RUSC1: variants seen among roughly 807,000 people sequenced by gnomAD.
RUSC1 encodes the protein AP-4 complex accessory subunit RUSC1.
A neutral mutation model predicts 72.1 loss-of-function variants in RUSC1; 40 were observed. The ratio of observed to expected loss-of-function variants is 0.55; its 90% CI spans 0.43 to 0.72. RUSC1 has a LOEUF of 0.72. RUSC1 is among the 30% of genes least tolerant of loss of function. The probability of loss-of-function intolerance (pLI) is 0.00; values close to 1 mark genes in which losing one functional copy is unlikely to be tolerated. For missense variants in RUSC1, 1,092 were observed against 1,172.3 expected (o/e 0.93, Z 1.00); for synonymous variants, 512 against 494.2 (o/e 1.04, Z -0.48).
At position 155,322,343 on chromosome 1, in the gene RUSC1, C is replaced by A; in HGVS notation, c.570C>A (p.Asp190Glu). The part of the protein sequence containing the change: ...SNCNALTTCQ[D>E]VPSPGLEEED... ...GCAACGCCCTGACCACCTGCCAGGA[C>A]GTCCCTTCCCCAGGCTTGGAGGAAG... Residue 190 changes from aspartate to glutamate, a missense_variant, in exon 2 of 10, where the codon GAC becomes GAA. Coordinates refer to ENST00000368352, the MANE Select transcript of RUSC1 (RefSeq NM_001105203.2). 6.2e-7 allele frequency: 1 copy of A among 1,612,794 alleles called. No homozygotes were observed. The highest frequency in any genetic ancestry group is 8.5e-7 in the Non-Finnish European group (1 of 1,178,900).
chr1:155,324,520 C>T, intron 2 of RUSC1: 1 of 1,597,854 alleles, frequency 6.3e-7, no homozygotes, highest in Non-Finnish European at 8.5e-7. Flanking sequence ...TCCCGCCCTA[C>T]AGGCCCTAGC....
intron 8 of RUSC1, among the ~76,000 whole-genome samples, chr1:155,327,668 C>T (rs556774167): frequency 1.3e-5 from 2 of 152,290 alleles, no homozygotes; most frequent in South Asian, 2.1e-4. Context: ...GTGGCACACA[C>T]GTGGTGGTAG....
In RUSC1 at chr1:155,327,024, G is replaced by A; in HGVS notation, c.2306G>A (p.Arg769Lys). The A allele has an allele frequency of 1.2e-6, 2 of 1,613,536 alleles. No individual in the cohort carries two copies. The highest frequency in any genetic ancestry group is 1.1e-5 in the South Asian group (1 of 91,078). ...GCAGCTGAAGAAGGTGCACAGGAGA[G>A]ACCCCTGCCCACAGATGAGATGGCA... ...GTAAEEGAQE[R>K]PLPTDEMAPG... Residue 769 changes from arginine (R) to lysine (K), a missense_variant, in exon 8 of 10, where the codon AGA becomes AAA. Coordinates refer to ENST00000368352, the MANE Select transcript of RUSC1 (RefSeq NM_001105203.2).
intron 8 of RUSC1, 84 bp downstream of exon 8, chr1:155,327,216 TC>T: frequency 7.3e-7 from 1 of 1,363,044 alleles, no homozygotes; most frequent in South Asian, 1.4e-5. Flanking sequence ...CTAGTGATGA[TC>T]CTTTAGGGCA....
At position 155,325,084 on chromosome 1, in the gene RUSC1, C is replaced by CT; in HGVS notation, c.1457-15dup. On this transcript the variant is annotated splice_polypyrimidine_tract_variant and intron_variant, in intron 3 of 9. Transcript: ENST00000368352. This position sits in a 1 kb window ranked among gnomAD's most constrained non-coding sequence, Gnocchi z 6.5. ...GGGGCGCGGCCTCCTAGCGTCTTCC[C>CT]TTTCCCACTCCTCCCAGGTCTTCTG... 6.2e-7 allele frequency: 1 copy of CT among 1,614,270 alleles called. No individual in the cohort carries two copies. The highest frequency in any genetic ancestry group is 8.5e-7 in the Non-Finnish European group (1 of 1,180,054).
At position 155,326,957 on chromosome 1, in the gene RUSC1, G is replaced by T. The variant is rs1165464513; in HGVS notation, c.2239G>T (p.Gly747Cys). The T allele has an allele frequency of 2.5e-6, 4 of 1,613,830 alleles. No individual in the cohort carries two copies. In the South Asian group the frequency reaches 4.4e-5, roughly 18 times the overall value. The change falls in exon 8 of 10, where the codon GGC becomes TGC. Residue 747 changes from glycine to cysteine, a missense_variant. By Grantham distance (159) the Gly-to-Cys change is radical. Transcript: ENST00000368352. The surrounding 1 kb of genome is among the most constrained non-coding windows in gnomAD (Gnocchi z 4.7). ...GGTCTATGCCTCTGGGGGCACTGAG[G>T]GCTTTCCTCTTTCCCGATGGGCACC... ...SRVYASGGTEGFPLSRWAPGR... is the reference protein window; with the variant it reads ...SRVYASGGTECFPLSRWAPGR...
intron 8 of RUSC1, 127 bp from the exon 9 acceptor site, chr1:155,328,023 C>A: frequency 1.7e-6 from 2 of 1,211,222 alleles, no homozygotes; most frequent in Non-Finnish European, 2.3e-6. Context: ...CTGCCCTCAG[C>A]AGTGACTAAC....
chr1:155,324,556 C>T (rs779357460), intron 2 of RUSC1: 130 of 1,583,506 alleles, frequency 8.2e-5, no homozygotes, highest in Middle Eastern at 1.9e-4. Flanking sequence ...TGAGCGCGGC[C>T]ATCCCGCTCC....
Position 155,323,083 on chromosome 1 carries a change from A to G in RUSC1, c.1310A>G (p.Glu437Gly). The G allele has an allele frequency of 7.0e-7, 1 of 1,427,520 alleles. No individual in the cohort carries two copies. The highest frequency in any genetic ancestry group is 9.1e-7 in the Non-Finnish European group (1 of 1,094,578). The allele number at this position is 1,427,520 out of a possible 1,614,324, so 88.4% of individuals were successfully genotyped here. ...CGGGCTGTCAGCCCAGCGGCTGGCG[A>G]GGAGGCCCCAGCCGCGAAGGAGCCG... ...EGRAVSPAAG[E>G]EAPAAKEPGA... Residue 437 changes from glutamate to glycine, a missense_variant, in exon 2 of 10, where the codon GAG becomes GGG. Coordinates refer to ENST00000368352, the MANE Select transcript of RUSC1 (RefSeq NM_001105203.2).
chr1:155,330,349 G>A (rs893830018), intron 9 of RUSC1, 54 bp from the exon 10 acceptor site: 90 of 1,596,592 alleles, frequency 5.6e-5, no homozygotes, highest in African/African-American at 5.4e-5. Flanking sequence ...GCCTGGGGAC[G>A]GCTGGGCAGC....
At chr1:155,323,380 GC>G (rs1166545905) in intron 2 of RUSC1, 4 of 392,204 alleles carry the variant, frequency 1.0e-5, no homozygotes, top group Admixed American at 4.5e-5. Flanking sequence ...TCTGCGCCTG[GC>G]CCCGCCAATC....
chr1:155,321,222 CT>C, intron 1 of RUSC1: 1 of 1,359,482 alleles, frequency 7.4e-7, no homozygotes, highest in Non-Finnish European at 9.8e-7. Flanking sequence ...CTGCTCCATC[CT>C]TTTCCTCTCC....
At position 155,321,827 on chromosome 1, in the gene RUSC1, G is replaced by A. The variant is rs2148260772; in HGVS notation, c.54G>A (p.Gln18=). 1 of 1,613,920 alleles carries A rather than the reference G, an allele frequency of 6.2e-7. No homozygotes were observed. The highest frequency in any genetic ancestry group is 2.2e-5 in the East Asian group (1 of 44,882). Residue 18 remains glutamine, a synonymous_variant, in exon 2 of 10, where the codon CAG becomes CAA. Transcript: ENST00000368352. ...LLCNLNHIHL[Q]HVSLGLHLSR... Reference sequence around the variant, plus strand: ...GCAACCTCAACCACATCCACCTCCAGCACGTCTCCCTGGGCCTGCACTTGT... The same window carrying A: ...GCAACCTCAACCACATCCACCTCCAACACGTCTCCCTGGGCCTGCACTTGT...
rs1379528973 is a variant in RUSC1, at chr1:155,322,921, C to T, written c.1148C>T (p.Pro383Leu). The T allele has an allele frequency of 3.8e-6, 6 of 1,596,690 alleles. No individual in the cohort carries two copies. The African/African-American group carries it at 4.0e-5, about 11-fold the overall frequency. ...CGGTCCCGAAGCCGGGCCCCAGCCC[C>T]GCCAGTCCCGCCTCGAGACCCCCCA... ...ELRSRSRAPAPPVPPRDPPVG... is the reference protein window; with the variant it reads ...ELRSRSRAPALPVPPRDPPVG... The change falls in exon 2 of 10, where the codon CCG (proline) becomes CTG (leucine). Residue 383 changes from proline (P) to leucine (L), a missense_variant. By Grantham distance (98) the Pro-to-Leu change is moderately conservative. Coordinates refer to ENST00000368352, the MANE Select transcript of RUSC1 (RefSeq NM_001105203.2).
intron 9 of RUSC1, among the ~76,000 whole-genome samples, chr1:155,329,954 A>G (rs12728412): frequency 2.4e-5 from 3 of 123,346 alleles, no homozygotes; most frequent in Admixed American, 7.7e-5. Flanking sequence ...CTGTCTCAAG[A>G]AAAAAAAAAA....
intron 2 of RUSC1, chr1:155,324,567 C>T (rs939518062): frequency 6.3e-7 from 1 of 1,578,732 alleles, no homozygotes; most frequent in Non-Finnish European, 8.6e-7. Context: ...ATCCCGCTCC[C>T]GGAGTTCCGG....
At position 155,321,241 on chromosome 1, in the gene RUSC1, A is replaced by T. The variant is rs752552632; in HGVS notation, c.-87+250A>T. The stretch of plus-strand genomic sequence containing the variant: ...TCCATCCTTTTCCTCTCCAGCCCCC[A>T]CCCCTTTCCTGCATTCACCAGACAA... On this transcript the variant is annotated intron_variant, in intron 1 of 9. Coordinates refer to ENST00000368352, the MANE Select transcript of RUSC1 (RefSeq NM_001105203.2). The T allele has an allele frequency of 5.1e-5, 70 of 1,360,072 alleles. No homozygotes were observed. The Middle Eastern group carries it at 1.3e-3, about 24-fold the overall frequency. The allele number at this position is 1,360,072 out of a possible 1,614,324, so 84.3% of individuals were successfully genotyped here.
In RUSC1 at chr1:155,328,368, A is replaced by G. The variant is rs186535923; in HGVS notation, c.2540+93A>G. ...AGTGTAAAAAACCCTGGGCTTTAAAATAAGACCGTGCTTAGTGTGCATTGC... is the reference window on the plus strand; with the variant it reads ...AGTGTAAAAAACCCTGGGCTTTAAAGTAAGACCGTGCTTAGTGTGCATTGC... On this transcript the variant is annotated intron_variant, in intron 9 of 9. Transcript: ENST00000368352. The G allele has an allele frequency of 6.3e-5, 84 of 1,329,488 alleles. No individual in the cohort carries two copies. In the East Asian group the frequency reaches 1.2e-3, roughly 19 times the overall value. The allele number at this position is 1,329,488 out of a possible 1,614,324, so 82.4% of individuals were successfully genotyped here.
Position 155,326,778 on chromosome 1 carries a change from C to A in RUSC1, c.2060C>A (p.Ala687Asp), listed in dbSNP as rs780587363. The A allele has an allele frequency of 6.2e-7, 1 of 1,613,110 alleles. No homozygotes were observed. The highest frequency in any genetic ancestry group is 1.6e-4 in the Middle Eastern group (1 of 6,062). The change falls in exon 8 of 10, where the codon GCT (alanine) becomes GAT (aspartate). Residue 687 changes from alanine to aspartate, a missense_variant. Ala to Asp is a moderately radical substitution (Grantham distance 126). Transcript: ENST00000368352. The surrounding 1 kb of genome is among the most constrained non-coding windows in gnomAD (Gnocchi z 4.7). ...CCTGCCCCTCCAGGCCCACCTCCAG[C>A]TCTGCAGCAGACTATGCAAGCCATG... The part of the protein sequence containing the change: ...QAPAPPGPPP[A>D]LQQTMQAMLH...
Sources: allele counts gnomAD v4.1 joint callset (sites outside exome capture counted in the v4.1 genomes callset), GRCh38; gene constraint gnomAD v4.1.1; non-coding constraint Gnocchi (gnomAD v3.1); transcripts MANE v1.5; gene names NCBI Gene and HGNC (gene_info 2026-07-23, HGNC 2026-07-21).